Variants in GALNT16 observed in about 807,000 individuals in gnomAD.
The protein encoded by GALNT16 is polypeptide N-acetylgalactosaminyltransferase 16.
GALNT16 carries 40 observed loss-of-function variants against 76.1 expected under a neutral mutation model. The observed-to-expected ratio is 0.53, with a 90% confidence interval of 0.41 to 0.68. The LOEUF is 0.68. GALNT16 is among the 30% of genes least tolerant of loss of function. The probability of loss-of-function intolerance (pLI) is 0.00; values close to 1 mark genes in which losing one functional copy is unlikely to be tolerated. For synonymous variants in GALNT16, 276 were observed against 285.2 expected (o/e 0.97, Z 0.32); for missense variants, 621 against 731.9 (o/e 0.85, Z 1.75).
chr14:69,342,542 A>T (rs948003345), intron 12 of GALNT16, among the ~76,000 whole-genome samples: 1 of 149,258 alleles, frequency 6.7e-6, no homozygotes, highest in Non-Finnish European at 1.5e-5. Flanking sequence ...AAAGAAAAGA[A>T]AAGGAGAGAA....
chr14:69,322,968 GTGTGTGTGTGTGTGCGCGCGCA>G (rs2045216945), intron 2 of GALNT16, among the ~76,000 whole-genome samples: 7 of 75,488 alleles, frequency 9.3e-5, no homozygotes, highest in East Asian at 2.3e-3. Context: ...GTGTGTGTGT[GTGTGTGTGTGTGTGCGCGCGCA>G]CGCGCGCACG....
At chr14:69,360,950 A>C (rs1282515255), downstream of GALNT16, among the ~76,000 whole-genome samples, 1 of 152,236 alleles carries the variant, frequency 6.6e-6, no homozygotes, top group East Asian at 1.9e-4. Flanking sequence ...TGCCTGCCAC[A>C]GAGCTCTGGG....
At chr14:69,317,943 G>A (rs763058999) in intron 1 of GALNT16, among the ~76,000 whole-genome samples, 2 of 152,318 alleles carry the variant, frequency 1.3e-5, no homozygotes, top group Non-Finnish European at 2.9e-5. Context: ...TGACCGGGGC[G>A]AGGCCAGAGA....
downstream of GALNT16, chr14:69,356,968 C>T (rs949582420): frequency 7.9e-5 from 12 of 152,166 alleles, no homozygotes; most frequent in African/African-American, 2.7e-4. Flanking sequence ...AAGCATCTGG[C>T]CCTTTCCAAA....
At chr14:69,270,921 C>G (rs981381025) in intron 1 of GALNT16, among the ~76,000 whole-genome samples, 1 of 145,994 alleles carries the variant, frequency 6.8e-6, no homozygotes. Context: ...CTGAGCACAG[C>G]CCCCACAAAT....
chr14:69,330,995 C>G (rs2045345418), intron 6 of GALNT16, among the ~76,000 whole-genome samples: 1 of 152,044 alleles, frequency 6.6e-6, no homozygotes, highest in Non-Finnish European at 1.5e-5. Context: ...GCTAGTAGTC[C>G]CATTGGGAAG....
chr14:69,385,649 AG>A, the GALNT16 span, among the ~76,000 whole-genome samples: 11 of 134,454 alleles, frequency 8.2e-5, no homozygotes, highest in African/African-American at 1.7e-4. Flanking sequence ...AATAAAAAAA[AG>A]GAAAAAAAAA....
intron 1 of GALNT16, among the ~76,000 whole-genome samples, chr14:69,301,054 C>G (rs1165875462): frequency 2.6e-5 from 4 of 151,988 alleles, no homozygotes; most frequent in African/African-American, 7.3e-5. Flanking sequence ...TTCCTTTTTT[C>G]AAAATCCATG....
the GALNT16 span, among the ~76,000 whole-genome samples, chr14:69,370,016 C>T: frequency 2.0e-5 from 3 of 152,206 alleles, no homozygotes; most frequent in Non-Finnish European, 2.9e-5. Context: ...GTGGGAAATG[C>T]CCCCTTTTCT....
chr14:69,308,394 T>C (rs1458591327), intron 1 of GALNT16, among the ~76,000 whole-genome samples: 1 of 151,420 alleles, frequency 6.6e-6, no homozygotes, highest in Non-Finnish European at 1.5e-5. Flanking sequence ...GTAGAGCGGT[T>C]TCCTGTGTAT....
In GALNT16 at chr14:69,338,767, A is replaced by G. The variant is rs1388321925; in HGVS notation, c.1084A>G (p.Thr362Ala). ...PYNFPEGNAL[T>A]YIRNTKRTAE... The stretch of plus-strand genomic sequence containing the variant: ...CAACTTCCCTGAGGGTAATGCCCTC[A>G]CCTACATCAGGTAGGTCACCGAGAA... Residue 362 changes from threonine (T) to alanine (A), a missense_variant, in exon 10 of 15, where the codon ACC becomes GCC. By Grantham distance (58) the Thr-to-Ala change is moderately conservative. Coordinates refer to ENST00000448469, the MANE Select transcript of GALNT16 (RefSeq NM_001168368.2). The G allele has an allele frequency of 6.2e-7, 1 of 1,612,836 alleles. No individual in the cohort carries two copies. Among genetic ancestry groups the G allele is most frequent in the Non-Finnish European group, 8.5e-7 (1 of 1,179,498 alleles).
intron 1 of GALNT16, among the ~76,000 whole-genome samples, chr14:69,299,819 G>A (rs140771629): frequency 6.6e-6 from 1 of 152,188 alleles, no homozygotes; most frequent in African/African-American, 2.4e-5. Context: ...TGGGCTGGCT[G>A]CTGGGAACCC....
chr14:69,328,672 C>G (rs779815207), intron 6 of GALNT16, 101 bp downstream of exon 6: 2 of 1,235,086 alleles, frequency 1.6e-6, no homozygotes, highest in East Asian at 4.9e-5. Context: ...GGGCAGGCAT[C>G]GTAGGAAGCC....
At chr14:69,320,949 T>C in intron 2 of GALNT16, 81 bp downstream of exon 2, 2 of 1,333,558 alleles carry the variant, frequency 1.5e-6, no homozygotes, top group Non-Finnish European at 2.1e-6. Flanking sequence ...TTTACGTGTA[T>C]CTAAGAAATG....
intron 2 of GALNT16, among the ~76,000 whole-genome samples, chr14:69,321,225 C>T (rs913799140): frequency 6.6e-6 from 1 of 152,214 alleles, no homozygotes; most frequent in Non-Finnish European, 1.5e-5. Context: ...CAGCCCTGCA[C>T]ATTGCAAACA....
At chr14:69,298,927 A>T (rs1890942) in intron 1 of GALNT16, among the ~76,000 whole-genome samples, 1 of 152,108 alleles carries the variant, frequency 6.6e-6, no homozygotes, top group Admixed American at 6.5e-5. Flanking sequence ...CCGACACTCA[A>T]CTCTGGACAT....
chr14:69,381,186 C>CA, the GALNT16 span, among the ~76,000 whole-genome samples: 1 of 152,124 alleles, frequency 6.6e-6, no homozygotes, highest in African/African-American at 2.4e-5. Flanking sequence ...GAGGCTGAGG[C>CA]AAGGGAATTG....
intron 2 of GALNT16, among the ~76,000 whole-genome samples, chr14:69,321,393 C>G (rs756838887): frequency 6.6e-6 from 1 of 152,228 alleles, no homozygotes; most frequent in African/African-American, 2.4e-5. Context: ...CCTCCACTCT[C>G]ATCCCAGCTC....
chr14:69,371,828 C>T, the GALNT16 span, among the ~76,000 whole-genome samples: 3 of 151,774 alleles, frequency 2.0e-5, no homozygotes, highest in Non-Finnish European at 4.4e-5. Flanking sequence ...CTTGTAATCC[C>T]AGCTACTTGG....
Sources: gnomAD v4.1 joint callset for allele counts (sites outside exome capture counted in the v4.1 genomes callset) on GRCh38, gnomAD v4.1.1 for gene constraint, MANE v1.5 for transcripts, NCBI Gene and HGNC (gene_info 2026-07-23, HGNC 2026-07-21) for gene names.